The following CNGA1 variants were observed in gnomAD, a reference collection of about 807,000 sequenced individuals.
CNGA1 encodes the protein cyclic nucleotide gated channel subunit alpha 1.
A neutral mutation model predicts 69.7 loss-of-function variants in CNGA1; 53 were observed. That is an observed-to-expected ratio of 0.76 (90% CI 0.61 to 0.96). The LOEUF is 0.96. Ranked by LOEUF, CNGA1 falls within the 40% of genes least tolerant of loss-of-function variation. CNGA1 has a pLI of 0.00. For missense variants in CNGA1, 739 were observed against 811.2 expected, an observed-to-expected ratio of 0.91 and a Z score of 1.08; for synonymous variants, 249 against 283.5, an observed-to-expected ratio of 0.88 and a Z score of 1.22.
chr4:47,967,530 G>A (rs1740789412), intron 3 of CNGA1, among the ~76,000 whole-genome samples: 2 of 152,122 alleles, frequency 1.3e-5, no homozygotes, highest in South Asian at 2.1e-4. Flanking sequence ...ACATAATAGT[G>A]TATGTAGTCA....
intron 2 of CNGA1, among the ~76,000 whole-genome samples, chr4:47,998,151 G>T (rs1454623737): frequency 6.6e-6 from 1 of 152,166 alleles, no homozygotes; most frequent in Non-Finnish European, 1.5e-5. Context: ...TGTGACATGA[G>T]AAAAATAAAC....
chr4:47,988,438 A>T (rs1466204221), intron 2 of CNGA1, among the ~76,000 whole-genome samples: 1 of 152,114 alleles, frequency 6.6e-6, no homozygotes, highest in African/African-American at 2.4e-5. Context: ...TTTACTTAGG[A>T]TTCCAAACAA....
At chr4:47,951,621 A>T (rs1181958050) in intron 4 of CNGA1, 152 bp from the exon 5 acceptor site, 4 of 650,782 alleles carry the variant, frequency 6.1e-6, no homozygotes, top group Non-Finnish European at 1.1e-5. Flanking sequence ...ATAAAGTTAG[A>T]ACTATACAAA....
chr4:47,973,372 G>A (rs539543947), intron 3 of CNGA1, among the ~76,000 whole-genome samples: 2 of 152,078 alleles, frequency 1.3e-5, no homozygotes, highest in South Asian at 2.1e-4. Context: ...CACCGCGTCC[G>A]GTCTAAAGCA....
chr4:47,959,537 A>G (rs1432475134), intron 3 of CNGA1, among the ~76,000 whole-genome samples: 1 of 152,226 alleles, frequency 6.6e-6, no homozygotes, highest in Non-Finnish European at 1.5e-5. Context: ...AGAATAAAAC[A>G]TAGGAAAATA....
At chr4:47,989,524 TAAGTA>T (rs770217322) in intron 2 of CNGA1, among the ~76,000 whole-genome samples, 7 of 152,234 alleles carry the variant, frequency 4.6e-5, no homozygotes, top group South Asian at 2.1e-4. Context: ...CATTATAAAA[TAAGTA>T]AATTATTTAT....
chr4:47,956,275 G>T (rs1325095434), intron 3 of CNGA1, among the ~76,000 whole-genome samples: 1 of 152,204 alleles, frequency 6.6e-6, no homozygotes, highest in African/African-American at 2.4e-5. Flanking sequence ...TCCCCGTCTG[G>T]TTACTAGCTT....
At chr4:47,978,656 A>G (rs1741540022) in intron 3 of CNGA1, among the ~76,000 whole-genome samples, 1 of 152,110 alleles carries the variant, frequency 6.6e-6, no homozygotes, top group South Asian at 2.1e-4. Flanking sequence ...TTCTCTCTTC[A>G]AAGTATATAT....
chr4:47,975,362 G>A (rs1019646619), intron 3 of CNGA1, among the ~76,000 whole-genome samples: 2 of 152,022 alleles, frequency 1.3e-5, no homozygotes, highest in Admixed American at 1.3e-4. Flanking sequence ...ACTTGCTCAG[G>A]AAGAAACAAT....
chr4:47,952,112 C>A (rs1739778899), intron 4 of CNGA1, among the ~76,000 whole-genome samples: 1 of 152,030 alleles, frequency 6.6e-6, no homozygotes, highest in African/African-American at 2.4e-5. Flanking sequence ...CCTGTAATCC[C>A]AACACTTTGG....
In CNGA1 at chr4:48,014,589, G is replaced by A. The variant is rs557530405; in HGVS notation, c.-223+1894C>T. Reference sequence around the variant, plus strand: ...CCCAGCTTTCTTGGTTAGCATCTTGGTTCCACACTTACTGGTTATGTGTGC... The same window carrying A: ...CCCAGCTTTCTTGGTTAGCATCTTGATTCCACACTTACTGGTTATGTGTGC... On this transcript the variant is annotated intron_variant, in intron 1 of 10. Coordinates refer to ENST00000514170, the MANE Select transcript of CNGA1 (RefSeq NM_001379270.1). 7.2e-5 allele frequency among the ~76,000 whole-genome samples: 11 copies of A among 152,276 alleles called. 1 individual carries two copies. In the South Asian group the frequency reaches 2.3e-3, roughly 32 times the overall value.
chr4:47,977,828 A>T (rs1342886354), intron 3 of CNGA1, among the ~76,000 whole-genome samples: 2 of 148,590 alleles, frequency 1.3e-5, no homozygotes, highest in Admixed American at 1.3e-4. Context: ...CATTTAAGTG[A>T]TTTTTTTTTT....
At chr4:47,945,116 A>C (rs1578070331) in intron 6 of CNGA1, among the ~76,000 whole-genome samples, 2 of 152,288 alleles carry the variant, frequency 1.3e-5, no homozygotes, top group South Asian at 2.1e-4. Flanking sequence ...TAATCTCAGC[A>C]CTTTGGGAGG....
rs1000715953 is a variant in CNGA1 at position 48,000,489 on chromosome 4, C to A, written c.-123+10305G>T. 7.9e-5 allele frequency among the ~76,000 whole-genome samples: 12 copies of A among 152,024 alleles called. 1 individual carries two copies. The highest frequency in any genetic ancestry group is 1.6e-4 in the Non-Finnish European group (11 of 68,016). On this transcript the variant is annotated intron_variant, in intron 2 of 10. Coordinates refer to ENST00000514170, the MANE Select transcript of CNGA1 (RefSeq NM_001379270.1). ...GTTTCAAGCGATTCTCATGCCTCAG[C>A]CTCCCAAGTAGGTGGGATTACAGGC...
At chr4:47,973,172 A>G (rs1255787770) in intron 3 of CNGA1, among the ~76,000 whole-genome samples, 1 of 150,818 alleles carries the variant, frequency 6.6e-6, no homozygotes, top group Non-Finnish European at 1.5e-5. Flanking sequence ...GGTTCAAGCA[A>G]TTCTCCCACC....
chr4:47,962,764 C>T (rs1740522751), intron 3 of CNGA1, among the ~76,000 whole-genome samples: 2 of 152,096 alleles, frequency 1.3e-5, no homozygotes, highest in Non-Finnish European at 2.9e-5. Context: ...AAATCCAAAA[C>T]ATATTTAAAT....
intron 2 of CNGA1, among the ~76,000 whole-genome samples, chr4:48,001,019 T>C (rs1477917072): frequency 6.6e-6 from 1 of 152,130 alleles, no homozygotes; most frequent in Non-Finnish European, 1.5e-5. Context: ...TTATAAAATA[T>C]GTACTCAGAC....
chr4:47,942,031 T>A lies in CNGA1; in HGVS notation c.545+10A>T, dbSNP rs1278855146. On this transcript the variant is annotated intron_variant, in intron 9 of 10. Transcript: ENST00000514170. ...GATCCACAAAAAAAAAAAAAAAAAA[T>A]TATAGACACCTGGCAATAACCATTG... 1.2e-5 allele frequency: 18 copies of A among 1,457,648 alleles called. No homozygotes were observed. Among genetic ancestry groups the A allele is most frequent in the South Asian group, 2.4e-5 (2 of 83,566 alleles). The allele number at this position is 1,457,648 out of a possible 1,614,324, so 90.3% of individuals were successfully genotyped here. A position where few individuals can be genotyped will look rare whatever the true frequency, so the allele number is the denominator to read the frequency against.
Position 47,936,743 on chromosome 4 carries a change from G to C in CNGA1, c.1739C>G (p.Ala580Gly). ...TTTGGCATCTGGGTACTCAGTTAGA[G>C]CTTCCATGAGGTCATCTTTTGAGAG... ...FCLSKDDLME[A>G]LTEYPDAKTM... Residue 580 changes from alanine (A) to glycine (G), a missense_variant, in exon 11 of 11, where the codon GCT (alanine) becomes GGT (glycine). By Grantham distance (60) the Ala-to-Gly change is moderately conservative. Coordinates refer to ENST00000514170, the MANE Select transcript of CNGA1 (RefSeq NM_001379270.1). 1 of 1,614,114 alleles carries C rather than the reference G, an allele frequency of 6.2e-7. No individual in the cohort carries two copies. Among genetic ancestry groups the C allele is most frequent in the South Asian group, 1.1e-5 (1 of 91,080 alleles).
Sources: gnomAD v4.1 joint callset for allele counts (sites outside exome capture counted in the v4.1 genomes callset) on GRCh38, gnomAD v4.1.1 for gene constraint, MANE v1.5 for transcripts, NCBI Gene and HGNC (gene_info 2026-07-23, HGNC 2026-07-21) for gene names.